Variants in CALU observed in about 807,000 individuals in gnomAD.
CALU encodes the protein calumenin.
In CALU, 13 loss-of-function variants were observed where a neutral mutation model predicts 37.5. The observed-to-expected ratio is 0.35, with a 90% CI of 0.23 to 0.55. The LOEUF is 0.55. Among genes scored for constraint, CALU ranks in the 20% least tolerant of loss-of-function variants. The pLI is 0.89. For missense variants in CALU, 282 were observed against 391.7 expected (o/e 0.72, Z 2.36); for synonymous variants, 114 against 133.8 (o/e 0.85, Z 1.02).
At chr7:128,747,321 G>A (rs1367109348) in intron 1 of CALU, among the ~76,000 whole-genome samples, 3 of 152,128 alleles carry the variant, frequency 2.0e-5, no homozygotes, top group Non-Finnish European at 4.4e-5. Flanking sequence ...TTCTCTATGG[G>A]TTTCATGGTC....
chr7:128,765,205 C>T (rs773101351), intron 5 of CALU, among the ~76,000 whole-genome samples: 33 of 152,084 alleles, frequency 2.2e-4, no homozygotes, highest in South Asian at 4.2e-4. Context: ...ATCAGCCACC[C>T]GACCTCCTGT....
At chr7:128,749,682 T>G (rs1800584076) in intron 2 of CALU, among the ~76,000 whole-genome samples, 1 of 152,222 alleles carries the variant, frequency 6.6e-6, no homozygotes, top group African/African-American at 2.4e-5. Context: ...GGATTTGCTT[T>G]GGAAGATGCT....
At chr7:128,760,645 A>T (rs1801075354) in intron 5 of CALU, among the ~76,000 whole-genome samples, 1 of 152,138 alleles carries the variant, frequency 6.6e-6, no homozygotes, top group Non-Finnish European at 1.5e-5. Context: ...ACGGTGGCTC[A>T]CGCCTGTAAT....
intron 2 of CALU, among the ~76,000 whole-genome samples, chr7:128,751,703 G>A (rs778139806): frequency 6.6e-6 from 1 of 152,098 alleles, no homozygotes; most frequent in African/African-American, 2.4e-5. Flanking sequence ...CTCCAGCCTG[G>A]GTGACAGAGC....
chr7:128,758,075 C>A lies in CALU; in HGVS notation c.416-796C>A, dbSNP rs545704996. On this transcript the variant is annotated intron_variant, in intron 3 of 6. Transcript: ENST00000249364. Reference sequence around the variant, plus strand: ...TTACCCCCCCAACATTTCCTCATGTCCCTTGGTAATCCTTCTCATTCTCGC... The same window carrying A: ...TTACCCCCCCAACATTTCCTCATGTACCTTGGTAATCCTTCTCATTCTCGC... 7.2e-5 allele frequency among the ~76,000 whole-genome samples: 11 copies of A among 152,206 alleles called. No homozygotes were observed. The South Asian group carries it at 2.3e-3, about 32-fold the overall frequency.
intron 3 of CALU, chr7:128,754,701 G>T: frequency 6.4e-7 from 1 of 1,551,094 alleles, no homozygotes; most frequent in South Asian, 1.2e-5. Context: ...GTACAGAAAC[G>T]TGACTTATGG....
intron 1 of CALU, among the ~76,000 whole-genome samples, chr7:128,747,380 C>T (rs1800487348): frequency 6.6e-6 from 1 of 152,168 alleles, no homozygotes; most frequent in Non-Finnish European, 1.5e-5. Flanking sequence ...TCTTAACCTT[C>T]ACGTCATCAG....
At chr7:128,745,399 C>T (rs1271892268) in intron 1 of CALU, among the ~76,000 whole-genome samples, 2 of 151,898 alleles carry the variant, frequency 1.3e-5, no homozygotes, top group East Asian at 1.9e-4. Context: ...GCTGGAGGAT[C>T]GCTTGAGACC....
At chr7:128,749,998 G>A (rs1299470403) in intron 2 of CALU, among the ~76,000 whole-genome samples, 5 of 151,790 alleles carry the variant, frequency 3.3e-5, no homozygotes, top group Non-Finnish European at 5.9e-5. Context: ...AGGCTGAGGC[G>A]GTTGGATCAC....
At chr7:128,758,837 C>G in intron 3 of CALU, 34 bp from the exon 4 acceptor site, 1 of 1,477,214 alleles carries the variant, frequency 6.8e-7, no homozygotes, top group Non-Finnish European at 9.4e-7. Flanking sequence ...TTCTGAAAGT[C>G]TTTTAAGATT....
chr7:128,752,625 A>G (rs1800719455), intron 2 of CALU, among the ~76,000 whole-genome samples: 1 of 152,228 alleles, frequency 6.6e-6, no homozygotes, highest in Non-Finnish European at 1.5e-5. Flanking sequence ...CTACAGGACT[A>G]AAGTTACAAC....
intron 3 of CALU, among the ~76,000 whole-genome samples, chr7:128,756,700 A>G (rs1047468733): frequency 2.6e-5 from 4 of 152,224 alleles, no homozygotes; most frequent in African/African-American, 9.6e-5. Flanking sequence ...AGCTGTATAC[A>G]GGCCAGCTAG....
intron 5 of CALU, among the ~76,000 whole-genome samples, chr7:128,765,341 C>T (rs954835471): frequency 2.6e-5 from 4 of 152,210 alleles, no homozygotes; most frequent in Admixed American, 2.6e-4. Context: ...CTGCCTCAGC[C>T]TCCCGAGTAG....
chr7:128,744,128 C>T (rs1404763679), intron 1 of CALU, among the ~76,000 whole-genome samples: 2 of 152,262 alleles, frequency 1.3e-5, no homozygotes, highest in South Asian at 4.2e-4. Context: ...ATCACTTGAA[C>T]CCAGGAGGTG....
At chr7:128,743,867 A>T (rs339053) in intron 1 of CALU, among the ~76,000 whole-genome samples, 5,829 of 152,224 alleles carry the variant, frequency 0.038, 353 homozygotes, top group African/African-American at 0.13. Context: ...TTAACTTTGT[A>T]TCATTTGGTT....
At chr7:128,758,194 TA>T (rs1436375816) in intron 3 of CALU, among the ~76,000 whole-genome samples, 1 of 152,120 alleles carries the variant, frequency 6.6e-6, no homozygotes, top group Non-Finnish European at 1.5e-5. Context: ...GGATGAACAA[TA>T]CCTGTCACTC....
chr7:128,752,770 C>T (rs1176726765), intron 2 of CALU, among the ~76,000 whole-genome samples: 6 of 152,136 alleles, frequency 3.9e-5, no homozygotes, highest in African/African-American at 1.2e-4. Flanking sequence ...TTGCAACCGC[C>T]GCCTCCCAGG....
chr7:128,745,307 T>C (rs1800387489), intron 1 of CALU, among the ~76,000 whole-genome samples: 2 of 152,286 alleles, frequency 1.3e-5, no homozygotes, highest in South Asian at 4.1e-4. Flanking sequence ...GTTTCCAAAG[T>C]TTTGTTTATC....
chr7:128,752,555 A>G (rs925819941), intron 2 of CALU, among the ~76,000 whole-genome samples: 1 of 152,200 alleles, frequency 6.6e-6, no homozygotes, highest in African/African-American at 2.4e-5. Context: ...GCATTCCATT[A>G]TAAATAATGT....
Sources: gnomAD v4.1 joint callset for allele counts (sites outside exome capture counted in the v4.1 genomes callset) on GRCh38, gnomAD v4.1.1 for gene constraint, MANE v1.5 for transcripts, NCBI Gene and HGNC (gene_info 2026-07-23, HGNC 2026-07-21) for gene names.